The following FAM78B variants were observed in gnomAD, a reference collection of about 807,000 sequenced individuals.
FAM78B encodes the protein family with sequence similarity 78 member B, also known as protein FAM78B.
Under a neutral mutation model 20.0 loss-of-function variants are expected in FAM78B, and 10 were observed. The observed-to-expected ratio is 0.50, with a 90% CI of 0.31 to 0.85. The LOEUF (loss-of-function observed/expected upper bound fraction) is 0.85. Among genes scored for constraint, FAM78B ranks in the 40% least tolerant of loss-of-function variants. The pLI is 0.05. For synonymous variants in FAM78B, 135 were observed against 132.8 expected, an observed-to-expected ratio of 1.02 and a Z score of -0.12; for missense variants, 283 against 345.0, an observed-to-expected ratio of 0.82 and a Z score of 1.42.
intron 1 of FAM78B, among the ~76,000 whole-genome samples, chr1:166,138,998 C>G (rs1262812398): frequency 6.6e-6 from 1 of 152,162 alleles, no homozygotes; most frequent in African/African-American, 2.4e-5. Context: ...GAGTTGTCTC[C>G]CTCCCTGAAT....
intron 1 of FAM78B, among the ~76,000 whole-genome samples, chr1:166,092,031 C>CTTTT (rs1653094104): frequency 2.1e-5 from 1 of 47,826 alleles, no homozygotes. Flanking sequence ...ATTGAGCCAT[C>CTTTT]ATTTTTTTTT....
intron 1 of FAM78B, among the ~76,000 whole-genome samples, chr1:166,152,993 C>T (rs559225744): frequency 1.3e-5 from 2 of 152,100 alleles, no homozygotes; most frequent in Non-Finnish European, 2.9e-5. Flanking sequence ...TTTAACTGTT[C>T]CCAGCTTCCT....
At chr1:166,083,888 G>C (rs979466124) in intron 1 of FAM78B, among the ~76,000 whole-genome samples, 2 of 145,270 alleles carry the variant, frequency 1.4e-5, no homozygotes, top group African/African-American at 5.1e-5. Context: ...TCACAAATGA[G>C]AACTATTATT....
At chr1:166,085,687 G>A (rs960831769) in intron 1 of FAM78B, among the ~76,000 whole-genome samples, 1 of 152,196 alleles carries the variant, frequency 6.6e-6, no homozygotes, top group African/African-American at 2.4e-5. Flanking sequence ...TGCCTCCCTG[G>A]TTAGAGGCCT....
chr1:166,101,992 C>G (rs1324198926), intron 1 of FAM78B, among the ~76,000 whole-genome samples: 1 of 152,190 alleles, frequency 6.6e-6, no homozygotes, highest in African/African-American at 2.4e-5. Context: ...GGAAGCCCAT[C>G]AGACTAACAG....
chr1:166,129,861 T>A (rs1426861251), intron 1 of FAM78B, among the ~76,000 whole-genome samples: 1 of 152,218 alleles, frequency 6.6e-6, no homozygotes, highest in Non-Finnish European at 1.5e-5. Context: ...TCAACACAGC[T>A]ATGGCCATGC....
intron 1 of FAM78B, among the ~76,000 whole-genome samples, chr1:166,098,069 C>T (rs1373461219): frequency 6.6e-6 from 1 of 152,212 alleles, no homozygotes; most frequent in Non-Finnish European, 1.5e-5. Context: ...GTGTAGACAA[C>T]TCCCAGTACC....
intron 1 of FAM78B, among the ~76,000 whole-genome samples, chr1:166,117,991 C>T (rs1654322473): frequency 6.6e-6 from 1 of 152,130 alleles, no homozygotes; most frequent in Non-Finnish European, 1.5e-5. Flanking sequence ...CAGGTTCAGA[C>T]TGGAGGGAAG....
chr1:166,130,089 T>C (rs1241673565), intron 1 of FAM78B, among the ~76,000 whole-genome samples: 1 of 152,222 alleles, frequency 6.6e-6, no homozygotes, highest in East Asian at 1.9e-4. Flanking sequence ...GCTTCCTCTC[T>C]GACACCTGAG....
intron 1 of FAM78B, among the ~76,000 whole-genome samples, chr1:166,137,680 C>T (rs982686233): frequency 2.6e-5 from 4 of 152,078 alleles, no homozygotes; most frequent in African/African-American, 9.7e-5. Context: ...ATTAGAATTC[C>T]AGAACTTTGA....
At chr1:166,088,835 G>A (rs1652946624) in intron 1 of FAM78B, among the ~76,000 whole-genome samples, 2 of 152,042 alleles carry the variant, frequency 1.3e-5, no homozygotes, top group South Asian at 4.2e-4. Flanking sequence ...CTCCTCCAGT[G>A]TACAATTCTT....
chr1:166,141,347 A>C (rs1655269582), intron 1 of FAM78B, among the ~76,000 whole-genome samples: 1 of 152,228 alleles, frequency 6.6e-6, no homozygotes, highest in Admixed American at 6.5e-5. Context: ...TAGAAATCTA[A>C]GTGGGTTTTA....
Position 166,166,330 on chromosome 1 carries a change from C to A in FAM78B, c.-82G>T. On this transcript the variant is annotated 5_prime_UTR_variant, in exon 1 of 2. It removes an upstream start codon present in the reference 5' UTR. Coordinates refer to ENST00000354422, the MANE Select transcript of FAM78B (RefSeq NM_001017961.5). Reference sequence around the variant, plus strand: ...CAGCCGGGGGCGCCCGTCACGCCGGCATGGCGACGCGCCGCTCGCTCCCGG... The same window carrying A: ...CAGCCGGGGGCGCCCGTCACGCCGGAATGGCGACGCGCCGCTCGCTCCCGG... 2 of 1,057,628 alleles carry A rather than the reference C, an allele frequency of 1.9e-6. No individual in the cohort carries two copies. Among genetic ancestry groups the A allele is most frequent in the Non-Finnish European group, 1.1e-6 (1 of 873,966 alleles). The allele number at this position is 1,057,628 out of a possible 1,614,324, so 65.5% of individuals were successfully genotyped here. A position where few individuals can be genotyped will look rare whatever the true frequency, so the allele number is the denominator to read the frequency against.
chr1:166,092,032 A>ATT (rs11286787), intron 1 of FAM78B, among the ~76,000 whole-genome samples: 194 of 126,004 alleles, frequency 1.5e-3, no homozygotes, highest in African/African-American at 4.1e-3. Context: ...TTGAGCCATC[A>ATT]TTTTTTTTTT....
intron 1 of FAM78B, among the ~76,000 whole-genome samples, chr1:166,126,415 G>C (rs1360709688): frequency 6.6e-6 from 1 of 152,214 alleles, no homozygotes; most frequent in South Asian, 2.1e-4. Flanking sequence ...CATGTAGTAG[G>C]TTAGGGAGAA....
chr1:166,135,423 C>T (rs979027969), intron 1 of FAM78B, among the ~76,000 whole-genome samples: 3 of 152,232 alleles, frequency 2.0e-5, no homozygotes, highest in Non-Finnish European at 4.4e-5. Flanking sequence ...TAGCAGGAAG[C>T]ATCATCCTGA....
chr1:166,127,683 A>C (rs1220112495), intron 1 of FAM78B, among the ~76,000 whole-genome samples: 2 of 152,230 alleles, frequency 1.3e-5, no homozygotes, highest in Non-Finnish European at 2.9e-5. Context: ...GTAAAGGAAA[A>C]GTTGGTGATG....
chr1:166,114,842 C>T (rs1654197872), intron 1 of FAM78B, among the ~76,000 whole-genome samples: 1 of 152,118 alleles, frequency 6.6e-6, no homozygotes, highest in African/African-American at 2.4e-5. Context: ...AAACCATGGC[C>T]ACCCTGGCAA....
rs373916683 is a variant in FAM78B, at chr1:166,161,891, G to A, written c.263+4095C>T. ...TCATTGTGTCATGTCATCATTGTGC[G>A]AAGACACACACACATCTGGACTGGA... On this transcript the variant is annotated intron_variant, in intron 1 of 1. Transcript: ENST00000354422. 2.0e-4 allele frequency among the ~76,000 whole-genome samples: 31 copies of A among 152,288 alleles called. 1 individual carries two copies. The East Asian group carries it at 4.0e-3, about 20-fold the overall frequency.
Sources: allele counts gnomAD v4.1 joint callset (sites outside exome capture counted in the v4.1 genomes callset), GRCh38; gene constraint gnomAD v4.1.1; transcripts MANE v1.5; gene names NCBI Gene and HGNC (gene_info 2026-07-23, HGNC 2026-07-21).